Variants in SESN3 observed in about 807,000 individuals in gnomAD.
The protein encoded by SESN3 is sestrin-3.
SESN3 carries 21 observed loss-of-function variants against 55.3 expected under a neutral mutation model. That is an observed-to-expected ratio of 0.38 (90% confidence interval 0.27 to 0.55). The LOEUF is 0.55. Among genes scored for constraint, SESN3 ranks in the 20% least tolerant of loss-of-function variants. The pLI is 0.76. For missense variants in SESN3, 408 were observed against 604.3 expected (o/e 0.68, Z 3.41); for synonymous variants, 181 against 203.1 (o/e 0.89, Z 0.93).
chr11:95,197,863 G>C (rs1299523888), intron 1 of SESN3, among the ~76,000 whole-genome samples: 1 of 152,070 alleles, frequency 6.6e-6, no homozygotes, highest in Non-Finnish European at 1.5e-5. Flanking sequence ...TTTATCTAGA[G>C]AACTCGCTAG....
intron 8 of SESN3, among the ~76,000 whole-genome samples, chr11:95,175,938 G>A (rs1289843154): frequency 6.6e-6 from 1 of 152,180 alleles, no homozygotes; most frequent in Non-Finnish European, 1.5e-5. Flanking sequence ...TAACTGCCAT[G>A]GAGAGGAAAT....
intron 1 of SESN3, among the ~76,000 whole-genome samples, chr11:95,229,072 G>A (rs943178617): frequency 6.6e-6 from 1 of 152,010 alleles, no homozygotes; most frequent in Non-Finnish European, 1.5e-5. Context: ...TCAATACAGT[G>A]CTCTTTTTCC....
chr11:95,212,842 G>A (rs1860684280), intron 1 of SESN3, among the ~76,000 whole-genome samples: 2 of 151,972 alleles, frequency 1.3e-5, no homozygotes, highest in South Asian at 4.2e-4. Context: ...TAGCTACTTT[G>A]GATATCTATT....
intron 1 of SESN3, among the ~76,000 whole-genome samples, chr11:95,212,315 A>G (rs1343807702): frequency 6.6e-6 from 1 of 152,128 alleles, no homozygotes; most frequent in African/African-American, 2.4e-5. Flanking sequence ...CTATCTTTAT[A>G]ATTATTTAGA....
At chr11:95,210,578 A>C (rs1172528436) in intron 1 of SESN3, among the ~76,000 whole-genome samples, 1 of 152,236 alleles carries the variant, frequency 6.6e-6, no homozygotes, top group Admixed American at 6.5e-5. Flanking sequence ...CCTAATACAC[A>C]AAATTCACTG....
At chr11:95,228,543 ATG>A (rs1445913022) in intron 1 of SESN3, among the ~76,000 whole-genome samples, 1 of 152,224 alleles carries the variant, frequency 6.6e-6, no homozygotes, top group African/African-American at 2.4e-5. Flanking sequence ...CAAGAAAAAC[ATG>A]TCTTTATTAG....
In SESN3 at chr11:95,173,118, C is replaced by CAAACAA; in HGVS notation, c.*136_*137insTTGTTT. ...CATTGCACATTACAGCCGCAAAAAA[C>CAAACAA]AAAAAAAAAAAAACAAACGGCTAAA... On this transcript the variant is annotated 3_prime_UTR_variant, in exon 10 of 10. Coordinates refer to ENST00000536441, the MANE Select transcript of SESN3 (RefSeq NM_144665.4). The CAAACAA allele has an allele frequency of 2.4e-6, 1 of 417,058 alleles. No individual in the cohort carries two copies. The highest frequency in any genetic ancestry group is 4.9e-5 in the South Asian group (1 of 20,268). The allele number at this position is 417,058 out of a possible 1,614,324, so 25.8% of individuals were successfully genotyped here. A position where few individuals can be genotyped will look rare whatever the true frequency, so the allele number is the denominator to read the frequency against.
chr11:95,180,525 G>A (rs1860040912), intron 6 of SESN3, among the ~76,000 whole-genome samples: 1 of 152,102 alleles, frequency 6.6e-6, no homozygotes, highest in African/African-American at 2.4e-5. Context: ...AAAAGAGACG[G>A]TGTTTACTGA....
chr11:95,184,837 C>T (rs879820187), intron 5 of SESN3, among the ~76,000 whole-genome samples: 14 of 151,696 alleles, frequency 9.2e-5, no homozygotes, highest in Non-Finnish European at 1.6e-4. Context: ...ATAAAATCTA[C>T]AATTCTAGCA....
chr11:95,193,940 T>C (rs1231227194), intron 1 of SESN3, among the ~76,000 whole-genome samples: 1 of 152,148 alleles, frequency 6.6e-6, no homozygotes, highest in Non-Finnish European at 1.5e-5. Context: ...AATTACCCAG[T>C]CTGCTTTTTT....
chr11:95,190,720 G>A (rs1860251268), intron 3 of SESN3, among the ~76,000 whole-genome samples: 1 of 151,902 alleles, frequency 6.6e-6, no homozygotes, highest in African/African-American at 2.4e-5. Context: ...CAAATCAAAC[G>A]TGGTCAAACT....
intron 1 of SESN3, among the ~76,000 whole-genome samples, chr11:95,220,140 C>G (rs757195438): frequency 6.6e-5 from 10 of 152,044 alleles, no homozygotes; most frequent in Non-Finnish European, 1.2e-4. Flanking sequence ...GATAACAGTC[C>G]AAGGGTTTCT....
chr11:95,202,703 A>C (rs909554581), intron 1 of SESN3, among the ~76,000 whole-genome samples: 1 of 152,106 alleles, frequency 6.6e-6, no homozygotes, highest in Non-Finnish European at 1.5e-5. Context: ...AGAACTATAA[A>C]TCTTAGTAGC....
intron 1 of SESN3, among the ~76,000 whole-genome samples, chr11:95,214,679 A>C (rs1382834049): frequency 1.3e-5 from 2 of 152,118 alleles, no homozygotes; most frequent in African/African-American, 4.8e-5. Flanking sequence ...ACAACATATC[A>C]ATCCCAAATC....
intron 4 of SESN3, among the ~76,000 whole-genome samples, chr11:95,186,845 C>G (rs894423745): frequency 6.6e-6 from 1 of 151,624 alleles, no homozygotes; most frequent in African/African-American, 2.4e-5. Flanking sequence ...AGAATATACA[C>G]CAGAAAAATA....
chr11:95,203,135 C>T (rs576031776), intron 1 of SESN3, among the ~76,000 whole-genome samples: 107 of 152,126 alleles, frequency 7.0e-4, no homozygotes, highest in Non-Finnish European at 1.0e-3. Flanking sequence ...TCAGCATCTA[C>T]CAGCTTGACT....
chr11:95,177,698 C>T, intron 8 of SESN3, 21 bp downstream of exon 8: 2 of 1,561,882 alleles, frequency 1.3e-6, no homozygotes, highest in East Asian at 2.3e-5. Flanking sequence ...ATGTAAAAAA[C>T]TGTCTCTACA....
intron 4 of SESN3, among the ~76,000 whole-genome samples, chr11:95,185,726 A>C (rs1027750277): frequency 2.0e-5 from 3 of 152,050 alleles, no homozygotes; most frequent in African/African-American, 7.2e-5. Flanking sequence ...TTATACAATA[A>C]ATCTTCTGCT....
chr11:95,193,533 A>G lies in SESN3; in HGVS notation c.79-11T>C, dbSNP rs1349453650. ...TCTGATTCTTTTATCCTATTTTTAA[A>G]AGAAAAGTTTTATGTATCAATGATG... On this transcript the variant is annotated splice_polypyrimidine_tract_variant and intron_variant, in intron 1 of 9. Coordinates refer to ENST00000536441, the MANE Select transcript of SESN3 (RefSeq NM_144665.4). The G allele has an allele frequency of 6.5e-7, 1 of 1,535,170 alleles. No homozygotes were observed. The highest frequency in any genetic ancestry group is 2.3e-5 in the East Asian group (1 of 44,312).
Sources: gnomAD v4.1 joint callset for allele counts (sites outside exome capture counted in the v4.1 genomes callset) on GRCh38, gnomAD v4.1.1 for gene constraint, MANE v1.5 for transcripts, NCBI Gene and HGNC (gene_info 2026-07-23, HGNC 2026-07-21) for gene names.